The following JAKMIP1 variants were observed in gnomAD, a reference collection of about 807,000 sequenced individuals.
JAKMIP1 encodes the protein janus kinase and microtubule interacting protein 1, also known as janus kinase and microtubule-interacting protein 1.
Under a neutral mutation model 113.0 loss-of-function variants are expected in JAKMIP1, and 33 were observed. The observed-to-expected ratio is 0.29, with a 90% CI of 0.22 to 0.39. JAKMIP1 has a LOEUF of 0.39. Ranked by LOEUF, JAKMIP1 falls within the 10% of genes least tolerant of loss-of-function variation. The pLI is 1.00. For synonymous variants in JAKMIP1, 480 were observed against 459.9 expected (o/e 1.04, Z -0.56); for missense variants, 813 against 1,080.5 (o/e 0.75, Z 3.47).
At chr4:6,160,781 G>A (rs76943749) in intron 1 of JAKMIP1, among the ~76,000 whole-genome samples, 9 of 152,116 alleles carry the variant, frequency 5.9e-5, no homozygotes, top group African/African-American at 9.6e-5. Context: ...GCTTTCCTGC[G>A]CGGGGGCTTC....
rs1720390450 is a variant in JAKMIP1 at position 6,143,106 on chromosome 4, T to C, written c.-147-30109A>G. ...CTTTGAGCAAGTTTCTCAGCCTCTC[T>C]GAGCCTCTGCCACCCACCTATTAAG... is the stretch of plus-strand genomic sequence containing the variant. On this transcript the variant is annotated intron_variant, in intron 1 of 20. Coordinates refer to ENST00000409021, the MANE Select transcript of JAKMIP1 (RefSeq NM_001099433.2). The surrounding 1 kb of genome is among the most constrained non-coding windows in gnomAD (Gnocchi z 4.9). 6.6e-6 allele frequency among the ~76,000 whole-genome samples: 1 copy of C among 152,192 alleles called. No homozygotes were observed. The highest frequency in any genetic ancestry group is 1.5e-5 in the Non-Finnish European group (1 of 68,026).
At chr4:6,036,658 G>T (rs1206344256) in intron 18 of JAKMIP1, among the ~76,000 whole-genome samples, 1 of 152,194 alleles carries the variant, frequency 6.6e-6, no homozygotes, top group Non-Finnish European at 1.5e-5. Flanking sequence ...AGGCATTAGT[G>T]ACCAACTGGG....
intron 1 of JAKMIP1, among the ~76,000 whole-genome samples, chr4:6,159,598 G>T (rs1722660125): frequency 6.6e-6 from 1 of 152,194 alleles, no homozygotes; most frequent in Admixed American, 6.5e-5. Flanking sequence ...AAGATGTTCA[G>T]CCTGCCTGGT....
rs559890400 is a variant in JAKMIP1, at chr4:6,026,306, G to A, written c.2446-28C>T. 1.1e-3 allele frequency: 1,228 copies of A among 1,095,186 alleles called. 20 individuals carry two copies. In the South Asian group the frequency reaches 0.013, roughly 11 times the overall value. 67.8% of individuals were successfully genotyped at this position (1,095,186 alleles called of 1,614,324 possible). On this transcript the variant is annotated intron_variant, in intron 20 of 20. Coordinates refer to ENST00000409021, the MANE Select transcript of JAKMIP1 (RefSeq NM_001099433.2). ...ATAAAATAATACCAAAAGAAAATGAGGAAAAGAGAAGAAAAAGAAAAGAAA... is the reference window on the plus strand; with the variant it reads ...ATAAAATAATACCAAAAGAAAATGAAGAAAAGAGAAGAAAAAGAAAAGAAA...
rs1364500158 is a variant in JAKMIP1 at position 6,184,687 on chromosome 4, C to T, written c.-148+15566G>A. 6.6e-6 allele frequency among the ~76,000 whole-genome samples: 1 copy of T among 152,168 alleles called. No homozygotes were observed. The highest frequency in any genetic ancestry group is 1.5e-5 in the Non-Finnish European group (1 of 68,038). ...TCGAAGGGAAGCAACCAATTGTCAACTATTTTAGAAACAGCCAAACAGAAT... is the reference window on the plus strand; with the variant it reads ...TCGAAGGGAAGCAACCAATTGTCAATTATTTTAGAAACAGCCAAACAGAAT... On this transcript the variant is annotated intron_variant, in intron 1 of 20. Coordinates refer to ENST00000409021, the MANE Select transcript of JAKMIP1 (RefSeq NM_001099433.2). The surrounding 1 kb of genome is among the most constrained non-coding windows in gnomAD (Gnocchi z 4.5).
At chr4:6,159,029 C>A (rs115120962) in intron 1 of JAKMIP1, among the ~76,000 whole-genome samples, 163 of 151,002 alleles carry the variant, frequency 1.1e-3, no homozygotes, top group African/African-American at 3.8e-3. Flanking sequence ...GTCTAGGCTG[C>A]ATTCAGCCAT....
In JAKMIP1 at chr4:6,031,767, C is replaced by G. The variant is rs551683899; in HGVS notation, c.2380-1986G>C. 2.0e-5 allele frequency among the ~76,000 whole-genome samples: 3 copies of G among 152,340 alleles called. No homozygotes were observed. In the East Asian group the frequency reaches 5.8e-4, roughly 29 times the overall value. ...AGGAGACAGAAAAAAAGATGATTCT[C>G]TCAGATCTGTGACCTTGGGCAGTTA... On this transcript the variant is annotated intron_variant, in intron 19 of 20. Transcript: ENST00000409021. This position sits in a 1 kb window ranked among gnomAD's most constrained non-coding sequence, Gnocchi z 4.4.
Position 6,042,152 on chromosome 4 carries a change from C to A in JAKMIP1, c.2097+7G>T, listed in dbSNP as rs766281955. 4 of 1,613,188 alleles carry A rather than the reference C, an allele frequency of 2.5e-6. No homozygotes were observed. Among genetic ancestry groups the A allele is most frequent in the South Asian group, 1.1e-5 (1 of 91,070 alleles). ...CTCCCCCACCCCCAGGCAGTCAAAT[C>A]TTTTACCTTCTCCTTCTCCAGGTCC... On this transcript the variant is annotated splice_region_variant and intron_variant, in intron 17 of 20. Coordinates refer to ENST00000409021, the MANE Select transcript of JAKMIP1 (RefSeq NM_001099433.2). This position sits in a 1 kb window ranked among gnomAD's most constrained non-coding sequence, Gnocchi z 5.2.
chr4:6,113,127 G>A lies in JAKMIP1; in HGVS notation c.-147-130C>T, dbSNP rs941387360. 2.4e-5 allele frequency: 10 copies of A among 411,926 alleles called. No individual in the cohort carries two copies. In the Admixed American group the frequency reaches 2.8e-4, roughly 12 times the overall value. 25.5% of individuals were successfully genotyped at this position (411,926 alleles called of 1,614,324 possible). The stretch of plus-strand genomic sequence containing the variant: ...CCTGCCACTCCCAGACTGACCTAGA[G>A]CCTTCCCGATGGGGGCTGCAGCAGA... On this transcript the variant is annotated intron_variant, in intron 1 of 20. Coordinates refer to ENST00000409021, the MANE Select transcript of JAKMIP1 (RefSeq NM_001099433.2).
At chr4:6,104,958 G>A (rs370139631) in intron 3 of JAKMIP1, among the ~76,000 whole-genome samples, 99 of 152,308 alleles carry the variant, frequency 6.5e-4, no homozygotes, top group African/African-American at 2.2e-3. Context: ...AATGCCCCAA[G>A]GGAAGAAAGC....
intron 11 of JAKMIP1, among the ~76,000 whole-genome samples, chr4:6,057,460 A>G (rs1016316706): frequency 2.6e-5 from 4 of 152,266 alleles, no homozygotes; most frequent in Admixed American, 2.0e-4. Flanking sequence ...TGAGAAGCAG[A>G]GGCCCGGCCT....
chr4:6,058,624 G>A (rs1186264482), intron 11 of JAKMIP1, among the ~76,000 whole-genome samples: 1 of 152,222 alleles, frequency 6.6e-6, no homozygotes, highest in Non-Finnish European at 1.5e-5. Flanking sequence ...AGCCAATGGA[G>A]ACAGGACACA....
At chr4:6,074,142 G>C (rs1719363607) in intron 8 of JAKMIP1, among the ~76,000 whole-genome samples, 1 of 152,208 alleles carries the variant, frequency 6.6e-6, no homozygotes, top group African/African-American at 2.4e-5. Context: ...TCCCATAAGG[G>C]GACTGTTGGA....
chr4:6,054,778 C>T (rs1716128751), intron 12 of JAKMIP1: 1 of 456,620 alleles, frequency 2.2e-6, no homozygotes, highest in African/African-American at 2.0e-5. Flanking sequence ...CAGCAGCACC[C>T]ATCGCCTGGC....
At position 6,135,174 on chromosome 4, in the gene JAKMIP1, C is replaced by G. The variant is rs1359241427; in HGVS notation, c.-147-22177G>C. On this transcript the variant is annotated intron_variant, in intron 1 of 20. Transcript: ENST00000409021. This position sits in a 1 kb window ranked among gnomAD's most constrained non-coding sequence, Gnocchi z 4.9. ...CCTCCAAAATTCTTATGTTGAATCC[C>G]CAACCCCCAGCACCTCAGGACTTCA... is the stretch of plus-strand genomic sequence containing the variant. 6.6e-6 allele frequency among the ~76,000 whole-genome samples: 1 copy of G among 152,174 alleles called. No homozygotes were observed. The highest frequency in any genetic ancestry group is 1.5e-5 in the Non-Finnish European group (1 of 68,038).
intron 1 of JAKMIP1, among the ~76,000 whole-genome samples, chr4:6,130,985 G>A (rs1718414010): frequency 6.6e-6 from 1 of 151,706 alleles, no homozygotes; most frequent in Non-Finnish European, 1.5e-5. Context: ...ACCAGCATGG[G>A]CAACATGATG....
rs763958502 is a variant in JAKMIP1 at position 6,050,857 on chromosome 4, C to T, written c.1807-178G>A. On this transcript the variant is annotated intron_variant, in intron 13 of 20. Coordinates refer to ENST00000409021, the MANE Select transcript of JAKMIP1 (RefSeq NM_001099433.2). The surrounding 1 kb of genome is among the most constrained non-coding windows in gnomAD (Gnocchi z 7.4). ...GCTACGACGTTTTCACGCCTTCCCA[C>T]GCAGCAGTTCTCCATGGAAATGTGT... Among the ~76,000 whole-genome samples, 1 of 152,182 alleles carries T rather than the reference C, an allele frequency of 6.6e-6. No homozygotes were observed. Among genetic ancestry groups the T allele is most frequent in the Non-Finnish European group, 1.5e-5 (1 of 68,038 alleles).
chr4:6,046,709 G>C (rs1471175954), intron 16 of JAKMIP1, among the ~76,000 whole-genome samples: 6 of 152,184 alleles, frequency 3.9e-5, no homozygotes, highest in Non-Finnish European at 5.9e-5. Context: ...GTCCTAGAGG[G>C]CTGCTAATCT....
chr4:6,100,906 G>A (rs1188190362), intron 3 of JAKMIP1, among the ~76,000 whole-genome samples: 3 of 151,978 alleles, frequency 2.0e-5, no homozygotes, highest in Non-Finnish European at 4.4e-5. Flanking sequence ...GCCCATTTTT[G>A]AGTTTTCATA....
Sources: allele counts gnomAD v4.1 joint callset (sites outside exome capture counted in the v4.1 genomes callset), GRCh38; gene constraint gnomAD v4.1.1; non-coding constraint Gnocchi (gnomAD v3.1); transcripts MANE v1.5; gene names NCBI Gene and HGNC (gene_info 2026-07-23, HGNC 2026-07-21).